KDM2B: variants seen among roughly 807,000 people sequenced by gnomAD.
KDM2B encodes the protein lysine demethylase 2B, also known as lysine-specific demethylase 2B.
In KDM2B, 26 loss-of-function variants were observed where a neutral mutation model predicts 150.0. The ratio of observed to expected loss-of-function variants is 0.17; its 90% CI spans 0.13 to 0.24. The LOEUF is 0.24. KDM2B is among the 10% of genes least tolerant of loss of function. KDM2B has a pLI of 1.00. For synonymous variants in KDM2B, 734 were observed against 729.5 expected, an observed-to-expected ratio of 1.01 and a Z score of -0.10; for missense variants, 1,265 against 1,816.9, an observed-to-expected ratio of 0.70 and a Z score of 5.52.
intron 6 of KDM2B, among the ~76,000 whole-genome samples, chr12:121,539,131 AG>A (rs1338743273): frequency 6.6e-6 from 1 of 152,040 alleles, no homozygotes; most frequent in African/African-American, 2.4e-5. Flanking sequence ...TCTAATTACC[AG>A]TGCTAATAAT....
In KDM2B at chr12:121,494,645, T is replaced by C. The variant is rs547565834; in HGVS notation, c.1668A>G (p.Ala556=). The part of the protein sequence containing the change: ...EGVKNVLKEH[A]DDDPSLAITG... ...TGATGGCCAGACTAGGGTCATCATC[T>C]GCGTGCTCCTTCAGGACGTTCTGTG... Residue 556 remains alanine, a synonymous_variant, in exon 12 of 23, where the codon GCA becomes GCG. Coordinates refer to ENST00000377071, the MANE Select transcript of KDM2B (RefSeq NM_032590.5). 8 of 1,612,718 alleles carry C rather than the reference T, an allele frequency of 5.0e-6. No individual in the cohort carries two copies. In the South Asian group the frequency reaches 8.8e-5, roughly 18 times the overall value.
At chr12:121,574,787 G>A (rs147927089) in intron 3 of KDM2B, among the ~76,000 whole-genome samples, 194 bp from the exon 4 acceptor site, 141 of 152,290 alleles carry the variant, frequency 9.3e-4, no homozygotes, top group African/African-American at 3.2e-3. Context: ...GAACCACTGA[G>A]GCCCTTCCCT....
chr12:121,472,050 G>C (rs1351247560), intron 12 of KDM2B, among the ~76,000 whole-genome samples: 1 of 152,142 alleles, frequency 6.6e-6, no homozygotes, highest in African/African-American at 2.4e-5. Context: ...TTGAGCCTGG[G>C]AGGCAGAGGT....
At chr12:121,459,518 T>C (rs1593821167) in intron 12 of KDM2B, among the ~76,000 whole-genome samples, 1 of 151,994 alleles carries the variant, frequency 6.6e-6, no homozygotes, top group South Asian at 2.1e-4. Context: ...AAAAAAAAGA[T>C]AAATTCGACT....
intron 10 of KDM2B, among the ~76,000 whole-genome samples, chr12:121,511,335 G>A (rs1555303982): frequency 7.1e-6 from 1 of 140,404 alleles, no homozygotes; most frequent in African/African-American, 2.8e-5. Context: ...TGGCCAGACT[G>A]GAGTGCAATG....
At chr12:121,443,133 G>A in intron 17 of KDM2B, 103 bp from the exon 18 acceptor site, 6 of 1,159,374 alleles carry the variant, frequency 5.2e-6, no homozygotes, top group Non-Finnish European at 7.5e-6. Context: ...CCAGAGGAGG[G>A]GCTGGAGGGA....
At chr12:121,428,423 G>T (rs373763163), downstream of KDM2B, among the ~76,000 whole-genome samples, 1 of 152,114 alleles carries the variant, frequency 6.6e-6, no homozygotes, top group Non-Finnish European at 1.5e-5. Context: ...TTGAACTCCT[G>T]ACCTCAGGTG....
Position 121,440,938 on chromosome 12 carries a change from G to GCGATCC in KDM2B, c.3482_3487dup (p.Ile1162_Ala1163insGlyIle), listed in dbSNP as rs1555288038. Reference sequence around the variant, plus strand: ...ACTGGAGCTGCAAAGGGCCGAGACCGCGATCCATGAGCAGCCTGACAGCAC... The same window carrying GCGATCC: ...ACTGGAGCTGCAAAGGGCCGAGACCGCGATCCCGATCCATGAGCAGCCTGACAGCAC... On this transcript the variant is annotated inframe_insertion, in exon 21 of 23. Coordinates refer to ENST00000377071, the MANE Select transcript of KDM2B (RefSeq NM_032590.5). 6.2e-7 allele frequency: 1 copy of GCGATCC among 1,613,960 alleles called. No individual in the cohort carries two copies. Among genetic ancestry groups the GCGATCC allele is most frequent in the Non-Finnish European group, 8.5e-7 (1 of 1,180,016 alleles).
intron 12 of KDM2B, among the ~76,000 whole-genome samples, chr12:121,481,763 T>TTTTTTTTG (rs1555297926): frequency 1.1e-4 from 17 of 148,812 alleles, no homozygotes; most frequent in African/African-American, 4.0e-4. Context: ...TTAGGGTTTT[T>TTTTTTTTG]TTTGTTTGTT....
chr12:121,527,653 C>CAAAAAAAA (rs58304715), intron 8 of KDM2B, among the ~76,000 whole-genome samples: 1 of 58,574 alleles, frequency 1.7e-5, no homozygotes, highest in Non-Finnish European at 3.0e-5. Context: ...GACTCCGTCT[C>CAAAAAAAA]AAAAAAAAAA....
intron 12 of KDM2B, among the ~76,000 whole-genome samples, chr12:121,478,277 T>A (rs1161785945): frequency 2.0e-5 from 3 of 151,818 alleles, no homozygotes; most frequent in Non-Finnish European, 4.4e-5. Flanking sequence ...ATTTCGCCAC[T>A]CCGGTAGTAA....
chr12:121,444,390 G>A (rs782144015), intron 15 of KDM2B, 60 bp downstream of exon 15: 101 of 1,607,382 alleles, frequency 6.3e-5, no homozygotes, highest in Non-Finnish European at 7.7e-5. Context: ...GGCTGGTCCC[G>A]GCCAGGCCCA....
intron 12 of KDM2B, among the ~76,000 whole-genome samples, chr12:121,478,553 G>A (rs1881660422): frequency 1.3e-5 from 2 of 151,678 alleles, no homozygotes; most frequent in Non-Finnish European, 2.9e-5. Flanking sequence ...TAGAGACGGG[G>A]TTTCACCGTG....
chr12:121,445,583 C>A (rs1876012982), intron 13 of KDM2B, among the ~76,000 whole-genome samples, 165 bp from the exon 14 acceptor site: 1 of 152,212 alleles, frequency 6.6e-6, no homozygotes, highest in Non-Finnish European at 1.5e-5. Flanking sequence ...ACGTATCAGG[C>A]TACTACCTCC....
At chr12:121,441,360 T>C in intron 19 of KDM2B, 127 bp from the exon 20 acceptor site, 1 of 845,604 alleles carries the variant, frequency 1.2e-6, no homozygotes, top group South Asian at 1.8e-5. Context: ...TCTGGACCCT[T>C]CTCTATGTAG....
At chr12:121,553,559 T>C (rs1889675958) in intron 4 of KDM2B, among the ~76,000 whole-genome samples, 1 of 152,084 alleles carries the variant, frequency 6.6e-6, no homozygotes, top group Admixed American at 6.6e-5. Context: ...TCTTCATCTA[T>C]AACATGGGGA....
At chr12:121,503,621 A>G (rs1884790406) in intron 11 of KDM2B, among the ~76,000 whole-genome samples, 1 of 151,642 alleles carries the variant, frequency 6.6e-6, no homozygotes, top group South Asian at 2.1e-4. Context: ...CTAAACAGCA[A>G]TCTTTAACTT....
intron 12 of KDM2B, among the ~76,000 whole-genome samples, chr12:121,464,951 T>C (rs1349866626): frequency 1.3e-5 from 2 of 152,164 alleles, no homozygotes; most frequent in Non-Finnish European, 2.9e-5. Flanking sequence ...GAGGAAAGCA[T>C]GCAGGGAGGC....
Position 121,580,847 on chromosome 12 carries a change from T to C in KDM2B, c.65A>G (p.Glu22Gly). 4 of 1,614,214 alleles carry C rather than the reference T, an allele frequency of 2.5e-6. No homozygotes were observed. The highest frequency in any genetic ancestry group is 3.4e-6 in the Non-Finnish European group (4 of 1,180,032). Residue 22 changes from glutamate to glycine, a missense_variant, in exon 1 of 23, where the codon GAA (glutamate) becomes GGA (glycine). Glu to Gly is a moderately conservative substitution (Grantham distance 98). This residue lies in a region of KDM2B where 53 missense variants were observed against 56.0 expected (regional missense o/e 0.95). Coordinates refer to ENST00000377071, the MANE Select transcript of KDM2B (RefSeq NM_032590.5). ...TATAACTGTTTTCTTTTTTTGCTTT[T>C]CTGCTGCATGTCTTTTTCGTGGGGG... Reference protein sequence around the residue: ...DHPPRKRHAAEKQKKKTVIYT... With the variant: ...DHPPRKRHAAGKQKKKTVIYT...
Sources: allele counts gnomAD v4.1 joint callset (sites outside exome capture counted in the v4.1 genomes callset), GRCh38; gene constraint gnomAD v4.1.1; regional missense constraint gnomAD v4.1.1; transcripts MANE v1.5; gene names NCBI Gene and HGNC (gene_info 2026-07-23, HGNC 2026-07-21).